Variants in THOC2 observed in about 807,000 individuals in gnomAD.
The protein encoded by THOC2 is THO complex subunit 2, also known as THO complex 2.
Under a neutral mutation model 128.4 loss-of-function variants are expected in THOC2, and 10 were observed. The observed-to-expected ratio is 0.08, with a 90% CI of 0.05 to 0.13. The LOEUF is 0.13. Ranked by LOEUF, THOC2 falls within the 10% of genes least tolerant of loss-of-function variation. The pLI is 1.00. For synonymous variants in THOC2, 393 were observed against 396.9 expected (o/e 0.99, Z 0.12); for missense variants, 535 against 1,155.7 (o/e 0.46, Z 7.79).
At chrX:123,665,871 A>G (rs1011311216) in intron 11 of THOC2, 34 bp from the exon 12 acceptor site, 19 of 780,711 alleles carry the variant, frequency 2.4e-5, no homozygotes, top group Non-Finnish European at 3.3e-5. Context: ...AAATAAACAA[A>G]TAAATAAGTA....
intron 8 of THOC2, among the ~76,000 whole-genome samples, chrX:123,685,196 T>C (rs1322285817): frequency 8.9e-6 from 1 of 112,521 alleles, no homozygotes; most frequent in East Asian, 2.8e-4. Flanking sequence ...TAGTAAAACA[T>C]AGAACCTTCC....
Position 123,605,270 on chromosome X carries a change from T to A in THOC2, c.*19-3932A>T, listed in dbSNP as rs75116658. ...AGTGCTCATGCCCATGTCAAAATTT[T>A]AAAAAACAGCATATAAATGAATATT... On this transcript the variant is annotated intron_variant, in intron 38 of 38. Transcript: ENST00000245838. Among the ~76,000 whole-genome samples the A allele has an allele frequency of 6.9e-3, 769 of 111,648 alleles. 3 individuals are homozygous for A. Among genetic ancestry groups the A allele is most frequent in the Non-Finnish European group, 9.5e-3 (505 of 53,112 alleles).
chrX:123,620,796 C>T (rs1366477880), intron 32 of THOC2, 111 bp downstream of exon 32: 7 of 697,453 alleles, frequency 1.0e-5, no homozygotes, highest in Non-Finnish European at 1.3e-5. Flanking sequence ...CAATATAAAA[C>T]CTCCAGTGGC....
chrX:123,661,654 T>A (rs1424173749), intron 12 of THOC2, among the ~76,000 whole-genome samples: 2 of 111,269 alleles, frequency 1.8e-5, no homozygotes, highest in African/African-American at 6.5e-5. Flanking sequence ...GGACTTAGAA[T>A]GTTCCCAACA....
rs1297599869 is a variant in THOC2, at chrX:123,670,747, T to C, written c.861+922A>G. Among the ~76,000 whole-genome samples, 3 of 112,637 alleles carry C rather than the reference T, an allele frequency of 2.7e-5. No homozygotes were observed. The East Asian group carries it at 8.3e-4, about 31-fold the overall frequency. The stretch of plus-strand genomic sequence containing the variant: ...GTTCAACATCACTAGTTTGGGAAAG[T>C]CTTCCAAAATCCCCCAAGACAGATA... On this transcript the variant is annotated intron_variant, in intron 9 of 38. Transcript: ENST00000245838.
At chrX:123,672,449 T>C (rs1393558060) in intron 8 of THOC2, among the ~76,000 whole-genome samples, 4 of 111,481 alleles carry the variant, frequency 3.6e-5, no homozygotes, top group African/African-American at 1.3e-4. Flanking sequence ...TACACATGTG[T>C]GTTTTCTTAA....
chrX:123,720,852 C>G (rs2051662613), intron 1 of THOC2, among the ~76,000 whole-genome samples: 1 of 111,709 alleles, frequency 9.0e-6, no homozygotes, highest in Non-Finnish European at 1.9e-5. Flanking sequence ...TATAAAGTAT[C>G]TAATGTAGTC....
intron 12 of THOC2, among the ~76,000 whole-genome samples, chrX:123,647,946 T>C (rs1384027450): frequency 9.1e-6 from 1 of 110,441 alleles, no homozygotes; most frequent in Non-Finnish European, 1.9e-5. Flanking sequence ...TGTTGAGACC[T>C]GGCAAATTGT....
intron 2 of THOC2, among the ~76,000 whole-genome samples, chrX:123,711,141 C>T (rs2051170476): frequency 9.6e-6 from 1 of 104,646 alleles, no homozygotes; most frequent in African/African-American, 3.5e-5. Flanking sequence ...ACCTCAGCCT[C>T]CTGAGTAGCT....
chrX:123,665,796 G>A lies in THOC2; in HGVS notation c.1232C>T (p.Ala411Val). Residue 411 changes from alanine (A) to valine (V), a missense_variant, in exon 12 of 39, where the codon GCT (alanine) becomes GTT (valine). By Grantham distance (64) the Ala-to-Val change is moderately conservative. Around this residue, in one of 9 missense-constraint regions of THOC2, gnomAD observed 197 missense variants for 313.4 expected, o/e 0.63. Coordinates refer to ENST00000245838, the MANE Select transcript of THOC2 (RefSeq NM_001081550.2). ...PKGAKGSPVN[A>V]LQNKRAPKQA... ...TTTTGGTGCTCTCTTGTTTTGCAAA[G>A]CATTAACAGGTGAGCCTTTAGCACC... is the stretch of plus-strand genomic sequence containing the variant. 8.4e-7 allele frequency: 1 copy of A among 1,187,158 alleles called. No individual in the cohort carries two copies. The highest frequency in any genetic ancestry group is 3.0e-5 in the East Asian group (1 of 33,499).
intron 12 of THOC2, among the ~76,000 whole-genome samples, chrX:123,657,098 A>T (rs749071949): frequency 9.8e-5 from 11 of 112,108 alleles, no homozygotes; most frequent in African/African-American, 3.2e-4. Flanking sequence ...AAAACACTGT[A>T]ACAGAATGAA....
At chrX:123,638,216 T>A in intron 17 of THOC2, 93 bp from the exon 18 acceptor site, 1 of 498,130 alleles carries the variant, frequency 2.0e-6, no homozygotes, top group African/African-American at 2.4e-5. Context: ...AAATTGTTGG[T>A]CATTACAAAT....
intron 20 of THOC2, among the ~76,000 whole-genome samples, chrX:123,633,637 C>T (rs367737078): frequency 3.6e-5 from 4 of 111,661 alleles, no homozygotes; most frequent in East Asian, 5.6e-4. Context: ...CTCCTGACCT[C>T]AGGTGATCCA....
chrX:123,718,074 G>A (rs760350179), intron 1 of THOC2, among the ~76,000 whole-genome samples: 3 of 112,296 alleles, frequency 2.7e-5, no homozygotes, highest in Admixed American at 1.9e-4. Context: ...AGAGCATGGC[G>A]CTGGCATAAA....
Position 123,714,597 on chromosome X carries a change from G to A in THOC2, c.72-1689C>T, listed in dbSNP as rs140388634. On this transcript the variant is annotated intron_variant, in intron 1 of 38. Coordinates refer to ENST00000245838, the MANE Select transcript of THOC2 (RefSeq NM_001081550.2). ...ACAAAAGATCAGTAAGGAAACAGAA[G>A]ACTTGAATAATACTACAGACCAAAT... is the stretch of plus-strand genomic sequence containing the variant. Among the ~76,000 whole-genome samples the A allele has an allele frequency of 6.1e-3, 679 of 111,470 alleles. 5 individuals are homozygous for A. Among genetic ancestry groups the A allele is most frequent in the African/African-American group, 0.021 (649 of 30,682 alleles).
chrX:123,607,695 A>T (rs1342573967), intron 38 of THOC2, among the ~76,000 whole-genome samples: 2 of 110,031 alleles, frequency 1.8e-5, no homozygotes, highest in South Asian at 3.9e-4. Context: ...AACCCTCCTT[A>T]AAAAAACTGT....
rs770932209 is a variant in THOC2, at chrX:123,632,918, T to C, written c.2259A>G (p.Val753=). ...GTTTCTCTCCACCTTCCTGAAAGAT[T>C]ACCCCATTTCTCTGCTGAGCCATAA... ...CLLMAQQRNG[V]IFQEGGEKHL... is the part of the protein sequence containing the mutation. Residue 753 remains valine (V), a synonymous_variant, in exon 21 of 39, where the codon GTA becomes GTG. Transcript: ENST00000245838. 7.5e-6 allele frequency: 9 copies of C among 1,207,943 alleles called. No individual in the cohort carries two copies. In the Admixed American group the frequency reaches 2.0e-4, roughly 26 times the overall value.
intron 12 of THOC2, among the ~76,000 whole-genome samples, chrX:123,664,099 A>G (rs1192726518): frequency 8.9e-6 from 1 of 112,237 alleles, no homozygotes; most frequent in African/African-American, 3.2e-5. Flanking sequence ...GTGTCTTTAT[A>G]GCAGCATGAT....
At chrX:123,632,436 A>G (rs2147640683) in intron 21 of THOC2, among the ~76,000 whole-genome samples, 1 of 94,299 alleles carries the variant, frequency 1.1e-5, no homozygotes, top group Non-Finnish European at 2.1e-5. Context: ...GGCTACAGTG[A>G]GCTGAGATCA....
Sources: allele counts gnomAD v4.1 joint callset (sites outside exome capture counted in the v4.1 genomes callset), GRCh38; gene constraint gnomAD v4.1.1; regional missense constraint gnomAD v4.1.1; transcripts MANE v1.5; gene names NCBI Gene and HGNC (gene_info 2026-07-23, HGNC 2026-07-21).